Variants in SNX16 observed in about 807,000 individuals in gnomAD.
SNX16 encodes the protein sorting nexin-16.
Under a neutral mutation model 36.7 loss-of-function variants are expected in SNX16, and 35 were observed. That is an observed-to-expected ratio of 0.95 (90% CI 0.73 to 1.27). The LOEUF (loss-of-function observed/expected upper bound fraction) is 1.27, where lower values mean the gene tolerates loss of function less well. Among genes scored for constraint, SNX16 ranks in the 50% most tolerant of loss-of-function variants. SNX16 has a pLI of 0.00. For missense variants in SNX16, 367 were observed against 393.6 expected (o/e 0.93, Z 0.57); for synonymous variants, 134 against 132.0 (o/e 1.02, Z -0.10).
chr8:81,818,480 C>A (rs987959991), intron 4 of SNX16, among the ~76,000 whole-genome samples: 1 of 151,948 alleles, frequency 6.6e-6, no homozygotes, highest in African/African-American at 2.4e-5. Flanking sequence ...CTAGAAGAAA[C>A]CTAACTTGTC....
Position 81,802,344 on chromosome 8 carries a change from C to G in SNX16, c.938+36G>C, listed in dbSNP as rs78014304. ...TTAGAATCACTTTCCTCCAATTATTCAAGAATTAAGCTATCATAAATGAAA... is the reference window on the plus strand; with the variant it reads ...TTAGAATCACTTTCCTCCAATTATTGAAGAATTAAGCTATCATAAATGAAA... On this transcript the variant is annotated intron_variant, in intron 7 of 7. Coordinates refer to ENST00000345957, the MANE Select transcript of SNX16 (RefSeq NM_152836.3). 3,048 of 1,540,594 alleles carry G rather than the reference C, an allele frequency of 2.0e-3. 49 individuals are homozygous for G. In the African/African-American group the frequency reaches 0.036, roughly 18 times the overall value.
rs569178682 is a variant in SNX16 at position 81,799,916 on chromosome 8, T to G, written c.*1581A>C. 6.6e-6 allele frequency: 1 copy of G among 152,000 alleles called. No individual in the cohort carries two copies. The highest frequency in any genetic ancestry group is 2.4e-5 in the African/African-American group (1 of 41,550). 9.4% of individuals were successfully genotyped at this position (152,000 alleles called of 1,614,324 possible). ...AATTTTAATAAATAAGCAGATCAAT[T>G]TATTATATTCATTTCTGTCTCTAAG... On this transcript the variant is annotated 3_prime_UTR_variant, in exon 8 of 8. Coordinates refer to ENST00000345957, the MANE Select transcript of SNX16 (RefSeq NM_152836.3).
chr8:81,802,333 C>G, intron 7 of SNX16, 47 bp downstream of exon 7: 1 of 1,501,578 alleles, frequency 6.7e-7, no homozygotes, highest in Non-Finnish European at 9.0e-7. Flanking sequence ...AATCACTTTC[C>G]TCCAATTATT....
intron 3 of SNX16, among the ~76,000 whole-genome samples, chr8:81,826,383 T>C (rs1811023291): frequency 6.6e-6 from 1 of 152,170 alleles, no homozygotes; most frequent in African/African-American, 2.4e-5. Flanking sequence ...TCTCTCCCTA[T>C]GCTCTGCTGC....
chr8:81,823,855 T>C lies in SNX16; in HGVS notation c.548A>G (p.Asp183Gly). ...KDNYNADFLE[D>G]RQLGLQAFLQ... ...AAACGCTTGTAATCCTAATTGTCTG[T>C]CTTCTAAAAAGTCAGCATTGTAATT... The change falls in exon 4 of 8, where the codon GAC (aspartate) becomes GGC (glycine). Residue 183 changes from aspartate to glycine, a missense_variant. Coordinates refer to ENST00000345957, the MANE Select transcript of SNX16 (RefSeq NM_152836.3). 1 of 1,612,308 alleles carries C rather than the reference T, an allele frequency of 6.2e-7. No homozygotes were observed. The highest frequency in any genetic ancestry group is 8.5e-7 in the Non-Finnish European group (1 of 1,179,088).
intron 2 of SNX16, among the ~76,000 whole-genome samples, chr8:81,833,386 T>C (rs1395278147): frequency 2.0e-5 from 3 of 146,912 alleles, no homozygotes; most frequent in South Asian, 2.3e-4. Context: ...ATAAATCCTT[T>C]AGCTTTGAAG....
At chr8:81,804,670 A>T (rs1809853072) in intron 5 of SNX16, among the ~76,000 whole-genome samples, 1 of 152,066 alleles carries the variant, frequency 6.6e-6, no homozygotes, top group Non-Finnish European at 1.5e-5. Context: ...GATTTTTCAG[A>T]CTGTATTAAA....
At chr8:81,823,115 G>A (rs1195244359) in intron 4 of SNX16, among the ~76,000 whole-genome samples, 2 of 151,550 alleles carry the variant, frequency 1.3e-5, no homozygotes, top group East Asian at 3.9e-4. Context: ...CCATCCTCAT[G>A]TGAAAAACTG....
Position 81,823,843 on chromosome 8 carries a change from C to A in SNX16, c.560G>T (p.Gly187Val). 1 of 1,611,886 alleles carries A rather than the reference C, an allele frequency of 6.2e-7. No individual in the cohort carries two copies. The highest frequency in any genetic ancestry group is 8.5e-7 in the Non-Finnish European group (1 of 1,178,932). The change falls in exon 4 of 8, where the codon GGA becomes GTA. Residue 187 changes from glycine to valine, a missense_variant. Coordinates refer to ENST00000345957, the MANE Select transcript of SNX16 (RefSeq NM_152836.3). ...TAAATTTTGAAGAAACGCTTGTAAT[C>A]CTAATTGTCTGTCTTCTAAAAAGTC... is the stretch of plus-strand genomic sequence containing the variant. ...NADFLEDRQL[G>V]LQAFLQNLVA...
intron 2 of SNX16, among the ~76,000 whole-genome samples, chr8:81,837,039 C>T (rs1262528995): frequency 1.3e-5 from 2 of 152,202 alleles, no homozygotes; most frequent in African/African-American, 4.8e-5. Flanking sequence ...TCCCTGTTAG[C>T]ACTAACATCT....
intron 2 of SNX16, among the ~76,000 whole-genome samples, chr8:81,832,401 T>G (rs1005630865): frequency 2.0e-5 from 3 of 151,998 alleles, no homozygotes; most frequent in Non-Finnish European, 4.4e-5. Flanking sequence ...CAATAGACAC[T>G]GGGGACTCCT....
At chr8:81,832,744 T>C (rs1038431457) in intron 2 of SNX16, among the ~76,000 whole-genome samples, 3 of 151,600 alleles carry the variant, frequency 2.0e-5, no homozygotes, top group African/African-American at 7.3e-5. Context: ...AGTATGCTTT[T>C]AGAATGTATT....
chr8:81,830,683 C>A (rs1480016088), intron 2 of SNX16, among the ~76,000 whole-genome samples: 1 of 151,442 alleles, frequency 6.6e-6, no homozygotes, highest in Non-Finnish European at 1.5e-5. Flanking sequence ...AAAATGGCCA[C>A]ACTGCCCAAA....
chr8:81,803,163 CTT>C lies in SNX16; in HGVS notation c.745_746del (p.Lys249GlyfsTer11), dbSNP rs781408803. ...RLQKELLEKQ[K>X]EMESLKKLLS... ...GCAGTTTCTTTAGTGATTCCATCTC[CTT>C]TTGTTTTTCAAGTAGTTCTTTCTGT... On this transcript the variant is annotated frameshift_variant, in exon 6 of 8. Transcript: ENST00000345957. LOFTEE classifies it high-confidence loss of function. 5 of 1,611,706 alleles carry C rather than the reference CTT, an allele frequency of 3.1e-6. No homozygotes were observed. In the African/African-American group the frequency reaches 6.7e-5, roughly 22 times the overall value.
At chr8:81,813,388 G>A (rs993120069) in intron 5 of SNX16, among the ~76,000 whole-genome samples, 1 of 151,508 alleles carries the variant, frequency 6.6e-6, no homozygotes, top group South Asian at 2.1e-4. Flanking sequence ...AAAAAATTAA[G>A]ATAGGTATAG....
rs116608025 is a variant in SNX16, at chr8:81,806,495, T to C, written c.682-3267A>G. Among the ~76,000 whole-genome samples, 336 of 152,134 alleles carry C rather than the reference T, an allele frequency of 2.2e-3. 1 individual carries two copies. The highest frequency in any genetic ancestry group is 7.7e-3 in the African/African-American group (320 of 41,512). On this transcript the variant is annotated intron_variant, in intron 5 of 7. Transcript: ENST00000345957. Reference sequence around the variant, plus strand: ...CCTCTTAGCAAACTAGAAATAGAACTTCTTTAATCTAAAAACAACAACGAA... The same window carrying C: ...CCTCTTAGCAAACTAGAAATAGAACCTCTTTAATCTAAAAACAACAACGAA...
At chr8:81,831,101 T>C (rs533340017) in intron 2 of SNX16, among the ~76,000 whole-genome samples, 2 of 152,242 alleles carry the variant, frequency 1.3e-5, no homozygotes, top group Admixed American at 6.5e-5. Flanking sequence ...TTTCACTATA[T>C]ACAAAAATTA....
At chr8:81,837,974 T>C (rs983851655) in intron 2 of SNX16, among the ~76,000 whole-genome samples, 20 of 152,174 alleles carry the variant, frequency 1.3e-4, no homozygotes, top group African/African-American at 2.7e-4. Flanking sequence ...GCATGAAACA[T>C]TGAAGTAAAC....
chr8:81,824,729 C>A (rs1810938653), intron 3 of SNX16, among the ~76,000 whole-genome samples: 2 of 152,138 alleles, frequency 1.3e-5, no homozygotes, highest in Admixed American at 6.6e-5. Flanking sequence ...CAAGTTACCA[C>A]AACTGTGTAA....
Sources: gnomAD v4.1 joint callset for allele counts (sites outside exome capture counted in the v4.1 genomes callset) on GRCh38, gnomAD v4.1.1 for gene constraint, MANE v1.5 for transcripts, NCBI Gene and HGNC (gene_info 2026-07-23, HGNC 2026-07-21) for gene names.